The following GSG1L variants were observed in gnomAD, a reference collection of about 807,000 sequenced individuals.
The protein encoded by GSG1L is GSG1 like.
A neutral mutation model predicts 42.1 loss-of-function variants in GSG1L; 24 were observed. That is an observed-to-expected ratio of 0.57 (90% CI 0.41 to 0.80). GSG1L has a LOEUF of 0.80. Among genes scored for constraint, GSG1L ranks in the 30% least tolerant of loss-of-function variants. The pLI is 0.00. For synonymous variants in GSG1L, 215 were observed against 203.5 expected (o/e 1.06, Z -0.48); for missense variants, 445 against 472.2 (o/e 0.94, Z 0.53).
chr16:28,045,938 G>A (rs554673949), intron 1 of GSG1L, among the ~76,000 whole-genome samples: 4 of 152,250 alleles, frequency 2.6e-5, no homozygotes, highest in African/African-American at 9.6e-5. Context: ...AGAGGTTGCA[G>A]TGAGCTGAGA....
rs985828421 is a variant in GSG1L at position 27,791,072 on chromosome 16, G to A, written c.*298C>T. On this transcript the variant is annotated 3_prime_UTR_variant, in exon 7 of 7. Transcript: ENST00000447459. ...GCCATTCAGTGGCCAGTGGCCATGT[G>A]TCTCCTGGCATCGCAGCTGTGCCCA... The A allele has an allele frequency of 4.0e-5, 11 of 271,890 alleles. No individual in the cohort carries two copies. In the South Asian group the frequency reaches 1.9e-3, roughly 46 times the overall value. 16.8% of individuals were successfully genotyped at this position (271,890 alleles called of 1,614,324 possible).
At chr16:28,008,475 C>A (rs1261749805) in intron 1 of GSG1L, among the ~76,000 whole-genome samples, 1 of 152,210 alleles carries the variant, frequency 6.6e-6, no homozygotes, top group Non-Finnish European at 1.5e-5. Context: ...CAGCATGACA[C>A]CTGGCCAAGG....
intron 2 of GSG1L, among the ~76,000 whole-genome samples, chr16:27,946,684 GAAAGAA>G (rs2084876583): frequency 1.4e-5 from 2 of 147,338 alleles, no homozygotes; most frequent in Non-Finnish European, 3.0e-5. Context: ...AAGAAAGAAA[GAAAGAA>G]AGAATTAAAT....
At chr16:28,016,986 C>A (rs1237089836) in intron 1 of GSG1L, among the ~76,000 whole-genome samples, 2 of 152,202 alleles carry the variant, frequency 1.3e-5, no homozygotes, top group East Asian at 3.8e-4. Context: ...TTATACAAAA[C>A]GCAGAGGCAG....
At chr16:27,814,037 G>C (rs1049598095) in intron 5 of GSG1L, among the ~76,000 whole-genome samples, 4 of 152,186 alleles carry the variant, frequency 2.6e-5, no homozygotes, top group African/African-American at 9.7e-5. Context: ...CAGAAGATAG[G>C]CTCAGAGCAT....
chr16:27,803,636 T>C, intron 6 of GSG1L, among the ~76,000 whole-genome samples: 1 of 151,928 alleles, frequency 6.6e-6, no homozygotes. Flanking sequence ...AACCCCACAG[T>C]TCAGGCCGCC....
chr16:27,984,481 C>T (rs1452306507), intron 1 of GSG1L, among the ~76,000 whole-genome samples: 1 of 152,124 alleles, frequency 6.6e-6, no homozygotes, highest in Non-Finnish European at 1.5e-5. Flanking sequence ...GTGGGCTGCC[C>T]ATTGGGTGAC....
chr16:28,062,160 G>C (rs540208523), intron 1 of GSG1L, among the ~76,000 whole-genome samples: 8 of 152,134 alleles, frequency 5.3e-5, no homozygotes, highest in Non-Finnish European at 7.4e-5. Context: ...CACGTCTTTC[G>C]GGCCAGCTCT....
intron 4 of GSG1L, among the ~76,000 whole-genome samples, chr16:27,842,676 G>C (rs868728316): frequency 9.9e-5 from 15 of 152,148 alleles, no homozygotes; most frequent in Admixed American, 1.3e-4. Context: ...AGGGATCGGG[G>C]CCAGGGTTAA....
chr16:28,034,547 T>A (rs1234862559), intron 1 of GSG1L, among the ~76,000 whole-genome samples: 1 of 152,310 alleles, frequency 6.6e-6, no homozygotes, highest in East Asian at 1.9e-4. Flanking sequence ...TCTATCTGTC[T>A]CCTCTTTTTT....
At position 27,791,716 on chromosome 16, in the gene GSG1L, G is replaced by A. The variant is rs1042983347; in HGVS notation, c.899-249C>T. Among the ~76,000 whole-genome samples the A allele has an allele frequency of 7.9e-5, 12 of 151,880 alleles. No individual in the cohort carries two copies. The East Asian group carries it at 2.1e-3, about 27-fold the overall frequency. The stretch of plus-strand genomic sequence containing the variant: ...CCTAGTCATGTATCTGCCAATATTT[G>A]CTGCCATCCACTTATCAAGCCACCA... On this transcript the variant is annotated intron_variant, in intron 6 of 6. Coordinates refer to ENST00000447459, the MANE Select transcript of GSG1L (RefSeq NM_001109763.2).
intron 2 of GSG1L, among the ~76,000 whole-genome samples, chr16:27,897,742 T>TGAGCCTGGACTTGAGGTC (rs1369833514): frequency 6.6e-5 from 10 of 152,194 alleles, no homozygotes; most frequent in African/African-American, 2.4e-4. Flanking sequence ...TGTGGTGGGG[T>TGAGCCTGGACTTGAGGTC]GAGCCTGGAC....
At chr16:27,847,118 A>G (rs1032051843) in intron 3 of GSG1L, among the ~76,000 whole-genome samples, 10 of 152,074 alleles carry the variant, frequency 6.6e-5, no homozygotes, top group Non-Finnish European at 1.5e-4. Flanking sequence ...GAGTTACTGC[A>G]CCTCCTGAAT....
At chr16:27,831,687 G>A (rs1253948468) in intron 4 of GSG1L, among the ~76,000 whole-genome samples, 1 of 152,216 alleles carries the variant, frequency 6.6e-6, no homozygotes, top group African/African-American at 2.4e-5. Flanking sequence ...ATGCGGTGGA[G>A]CAGAGCCAGA....
At chr16:27,956,273 G>C (rs1449285187) in intron 2 of GSG1L, among the ~76,000 whole-genome samples, 3 of 152,194 alleles carry the variant, frequency 2.0e-5, no homozygotes, top group Non-Finnish European at 1.5e-5. Context: ...TTAGCAGCCT[G>C]ATGCCAACCA....
intron 1 of GSG1L, among the ~76,000 whole-genome samples, chr16:27,991,859 C>G (rs1280162062): frequency 6.6e-6 from 1 of 152,218 alleles, no homozygotes; most frequent in Non-Finnish European, 1.5e-5. Context: ...CAATCTATTT[C>G]CCATTGCCAA....
intron 1 of GSG1L, among the ~76,000 whole-genome samples, chr16:27,998,670 C>T (rs896781784): frequency 6.6e-6 from 1 of 152,066 alleles, no homozygotes; most frequent in Admixed American, 6.6e-5. Context: ...ACCTCTAGTC[C>T]CAGCTACCCG....
intron 1 of GSG1L, among the ~76,000 whole-genome samples, chr16:27,976,069 G>A (rs1054088623): frequency 3.9e-5 from 6 of 152,130 alleles, no homozygotes; most frequent in African/African-American, 7.2e-5. Flanking sequence ...GAGGTCAGGC[G>A]TTCGAGACCA....
intron 4 of GSG1L, among the ~76,000 whole-genome samples, chr16:27,835,669 T>G (rs2083314644): frequency 6.6e-6 from 1 of 152,144 alleles, no homozygotes; most frequent in Admixed American, 6.5e-5. Context: ...AGGGTATCTC[T>G]GTATATAGCT....
Sources: gnomAD v4.1 joint callset for allele counts (sites outside exome capture counted in the v4.1 genomes callset) on GRCh38, gnomAD v4.1.1 for gene constraint, MANE v1.5 for transcripts, NCBI Gene and HGNC (gene_info 2026-07-23, HGNC 2026-07-21) for gene names.